The following SAXO1 variants were observed in gnomAD, a reference collection of about 807,000 sequenced individuals.
SAXO1 encodes 4930500O09Rik.
A neutral mutation model predicts 17.5 loss-of-function variants in SAXO1; 21 were observed. That is an observed-to-expected ratio of 1.20 (90% confidence interval 0.85 to 1.72). The LOEUF is 1.72. Among genes scored for constraint, SAXO1 ranks in the 40% most tolerant of loss-of-function variants. SAXO1 has a pLI of 0.00. For missense variants in SAXO1, 843 were observed against 596.0 expected, an observed-to-expected ratio of 1.41 and a Z score of -4.32; for synonymous variants, 274 against 216.5, an observed-to-expected ratio of 1.27 and a Z score of -2.33.
At chr9:18,930,063 T>C (rs1830972454) in intron 3 of SAXO1, among the ~76,000 whole-genome samples, 1 of 152,230 alleles carries the variant, frequency 6.6e-6, no homozygotes, top group Non-Finnish European at 1.5e-5. Flanking sequence ...TGAGGTGAGT[T>C]GGAATTTAAA....
intron 1 of SAXO1, among the ~76,000 whole-genome samples, chr9:18,999,718 C>T (rs1168526853): frequency 6.7e-6 from 1 of 149,244 alleles, no homozygotes; most frequent in Non-Finnish European, 1.5e-5. Flanking sequence ...TGAGGAGCAC[C>T]TCTGCCCAGC....
chr9:19,014,921 A>G (rs935492848), intron 1 of SAXO1, among the ~76,000 whole-genome samples: 1 of 152,218 alleles, frequency 6.6e-6, no homozygotes, highest in Non-Finnish European at 1.5e-5. Context: ...AGAGATCGTG[A>G]AAACATAAAA....
chr9:19,023,140 T>TC (rs200594848), intron 1 of SAXO1, among the ~76,000 whole-genome samples: 108 of 100,880 alleles, frequency 1.1e-3, no homozygotes, highest in African/African-American at 1.3e-3. Flanking sequence ...CCAGATTACA[T>TC]CCCCCCCCAC....
At chr9:18,952,524 A>G (rs562999433) in intron 1 of SAXO1, among the ~76,000 whole-genome samples, 4 of 152,232 alleles carry the variant, frequency 2.6e-5, no homozygotes, top group Admixed American at 2.6e-4. Flanking sequence ...AGAGAAAATC[A>G]TCAACACCTG....
At chr9:19,032,837 TC>T in intron 1 of SAXO1, 33 bp downstream of exon 1, 4 of 1,604,610 alleles carry the variant, frequency 2.5e-6, no homozygotes. Context: ...AAACCCAGGC[TC>T]CCCCAGCCTT....
intron 1 of SAXO1, among the ~76,000 whole-genome samples, chr9:19,028,351 G>C (rs948267913): frequency 9.9e-5 from 15 of 152,154 alleles, no homozygotes; most frequent in African/African-American, 3.6e-4. Flanking sequence ...ACTCCAGCCT[G>C]GGCAACAGAG....
At chr9:18,968,595 T>TTGG (rs1468257451) in intron 1 of SAXO1, among the ~76,000 whole-genome samples, 1 of 61,616 alleles carries the variant, frequency 1.6e-5, no homozygotes, top group African/African-American at 7.1e-5. Context: ...TGTCCCCCTT[T>TTGG]TTGTTTTTTT....
intron 1 of SAXO1, among the ~76,000 whole-genome samples, chr9:19,018,920 A>C (rs1298979052): frequency 6.6e-6 from 1 of 152,002 alleles, no homozygotes; most frequent in Non-Finnish European, 1.5e-5. Flanking sequence ...ACCCAGCCTG[A>C]CCAACATGGA....
chr9:19,022,267 CACATCTGA>C (rs1023074039), intron 1 of SAXO1, among the ~76,000 whole-genome samples: 1 of 152,216 alleles, frequency 6.6e-6, no homozygotes, highest in African/African-American at 2.4e-5. Flanking sequence ...AAACTCTGGA[CACATCTGA>C]ACATCTGAAG....
At chr9:19,016,764 G>A (rs974415680) in intron 1 of SAXO1, among the ~76,000 whole-genome samples, 2 of 146,630 alleles carry the variant, frequency 1.4e-5, no homozygotes, top group African/African-American at 2.5e-5. Flanking sequence ...ATTATTTTTC[G>A]CTAGCCATTT....
intron 1 of SAXO1, among the ~76,000 whole-genome samples, chr9:19,014,480 T>TAAAAA (rs1834886810): frequency 1.8e-5 from 2 of 111,850 alleles, no homozygotes; most frequent in East Asian, 5.4e-4. Context: ...AAAAAAAAGT[T>TAAAAA]AATTAATTAA....
At chr9:18,945,933 G>T (rs10963856) in intron 2 of SAXO1, among the ~76,000 whole-genome samples, 6,338 of 152,142 alleles carry the variant, frequency 0.042, 138 homozygotes, top group Middle Eastern at 0.075. Context: ...TGCAAGGGAG[G>T]GCAGCTAAAA....
At chr9:19,032,587 G>C (rs1351637294) in intron 1 of SAXO1, among the ~76,000 whole-genome samples, 1 of 152,166 alleles carries the variant, frequency 6.6e-6, no homozygotes, top group African/African-American at 2.4e-5. Flanking sequence ...ACACTTTCTG[G>C]GCTTCAGGGA....
At chr9:19,013,333 C>T (rs1247184105) in intron 1 of SAXO1, among the ~76,000 whole-genome samples, 8 of 152,136 alleles carry the variant, frequency 5.3e-5, no homozygotes, top group African/African-American at 1.4e-4. Flanking sequence ...TTTGCAACGC[C>T]AGTCCCTTTT....
chr9:18,954,816 C>A (rs1318135548), intron 1 of SAXO1, among the ~76,000 whole-genome samples: 3 of 151,850 alleles, frequency 2.0e-5, no homozygotes, highest in African/African-American at 7.3e-5. Context: ...ATACAACTAG[C>A]TCAAGTCATC....
chr9:19,037,753 C>G (rs1835978290), upstream of SAXO1, among the ~76,000 whole-genome samples: 1 of 152,150 alleles, frequency 6.6e-6, no homozygotes. Context: ...ATTTCCTCCC[C>G]TAGGAACTGT....
chr9:18,994,314 T>G (rs1433626670), intron 1 of SAXO1, among the ~76,000 whole-genome samples: 3 of 152,208 alleles, frequency 2.0e-5, no homozygotes, highest in Non-Finnish European at 4.4e-5. Flanking sequence ...CAATGTGCCA[T>G]GTACGTAAAA....
chr9:18,987,253 C>A (rs983564343), intron 1 of SAXO1, among the ~76,000 whole-genome samples: 3 of 152,166 alleles, frequency 2.0e-5, no homozygotes, highest in African/African-American at 7.2e-5. Flanking sequence ...CACCCCTTCA[C>A]CCAGGGAGAG....
chr9:19,048,323 G>A (rs1836268243), intron 1 of SAXO1, among the ~76,000 whole-genome samples: 1 of 152,172 alleles, frequency 6.6e-6, no homozygotes, highest in African/African-American at 2.4e-5. Flanking sequence ...CGGGCGTGGT[G>A]GCAGGTGCCC....
Sources: gnomAD v4.1 joint callset for allele counts (sites outside exome capture counted in the v4.1 genomes callset) on GRCh38, gnomAD v4.1.1 for gene constraint, MANE v1.5 for transcripts, NCBI Gene and HGNC (gene_info 2026-07-23, HGNC 2026-07-21) for gene names.